Variants in SVOPL observed in about 807,000 individuals in gnomAD.
SVOPL encodes the protein putative transporter SVOPL.
SVOPL carries 60 observed loss-of-function variants against 61.0 expected under a neutral mutation model. That is an observed-to-expected ratio of 0.98 (90% CI 0.80 to 1.22). SVOPL has a LOEUF of 1.22. Ranked by LOEUF, SVOPL falls within the 50% of genes most tolerant of loss-of-function variation. The pLI is 0.00. For missense variants in SVOPL, 662 were observed against 643.9 expected, an observed-to-expected ratio of 1.03 and a Z score of -0.30; for synonymous variants, 279 against 250.0, an observed-to-expected ratio of 1.12 and a Z score of -1.09.
intron 14 of SVOPL, among the ~76,000 whole-genome samples, chr7:138,611,837 G>A (rs1337391880): frequency 4.6e-5 from 3 of 65,766 alleles, no homozygotes; most frequent in Admixed American, 2.4e-4. Context: ...GCCTGCCTTG[G>A]CCTCCCAAAG....
intron 14 of SVOPL, among the ~76,000 whole-genome samples, chr7:138,611,871 G>C (rs1481163171): frequency 1.3e-5 from 1 of 75,902 alleles, no homozygotes. Flanking sequence ...GCCTCTGCCC[G>C]GCCGCCACCC....
At chr7:138,683,308 A>T (rs7778912) in intron 1 of SVOPL, among the ~76,000 whole-genome samples, 76,692 of 151,914 alleles carry the variant, frequency 0.5, 22,100 homozygotes, top group African/African-American at 0.8. Flanking sequence ...ATTATTATCT[A>T]CTACTTTTGA....
intron 4 of SVOPL, among the ~76,000 whole-genome samples, chr7:138,670,591 T>A (rs1458767394): frequency 6.6e-6 from 1 of 152,152 alleles, no homozygotes; most frequent in African/African-American, 2.4e-5. Context: ...ATCAGAAATA[T>A]CCATTCTCTA....
intron 3 of SVOPL, among the ~76,000 whole-genome samples, chr7:138,674,196 C>T (rs985084706): frequency 9.2e-6 from 1 of 108,282 alleles, no homozygotes; most frequent in African/African-American, 4.8e-5. Context: ...TCCCAGAAAA[C>T]ACATACACAC....
intron 4 of SVOPL, among the ~76,000 whole-genome samples, chr7:138,665,305 TGGGGGGCC>T (rs1395732909): frequency 6.6e-6 from 1 of 150,796 alleles, no homozygotes; most frequent in Non-Finnish European, 1.5e-5. Flanking sequence ...AAAACAGGGT[TGGGGGGCC>T]TGGGAGACAG....
intron 4 of SVOPL, among the ~76,000 whole-genome samples, chr7:138,668,816 T>C (rs997948252): frequency 6.6e-6 from 1 of 152,210 alleles, no homozygotes; most frequent in Admixed American, 6.5e-5. Context: ...GGAATTCTTC[T>C]GGAATTCTCC....
chr7:138,695,399 C>T (rs186504222), intron 1 of SVOPL, among the ~76,000 whole-genome samples: 79 of 152,264 alleles, frequency 5.2e-4, no homozygotes, highest in Non-Finnish European at 9.7e-4. Flanking sequence ...GTAGTCCTCG[C>T]TACCTGGGAG....
chr7:138,611,850 C>T (rs1407277954), intron 14 of SVOPL, among the ~76,000 whole-genome samples: 49 of 71,652 alleles, frequency 6.8e-4, no homozygotes, highest in South Asian at 2.0e-3. Flanking sequence ...TCCCAAAGTG[C>T]CGAGATTGCA....
intron 7 of SVOPL, 34 bp from the exon 8 acceptor site, chr7:138,649,171 T>C (rs201629281): frequency 1.3e-6 from 2 of 1,553,320 alleles, no homozygotes; most frequent in East Asian, 2.3e-5. Flanking sequence ...TAAAGTTCTT[T>C]GGGGAATTAT....
chr7:138,610,692 C>T (rs542534745), intron 14 of SVOPL, among the ~76,000 whole-genome samples: 14 of 152,216 alleles, frequency 9.2e-5, no homozygotes, highest in Non-Finnish European at 1.9e-4. Flanking sequence ...CTTGACCTTG[C>T]CCTGACACTT....
intron 14 of SVOPL, among the ~76,000 whole-genome samples, chr7:138,601,760 AAT>A (rs1798535012): frequency 6.6e-6 from 1 of 152,136 alleles, no homozygotes; most frequent in Admixed American, 6.5e-5. Flanking sequence ...GAAATTATTC[AAT>A]AGACTTTTTC....
At chr7:138,599,154 A>G (rs200476930) in intron 14 of SVOPL, among the ~76,000 whole-genome samples, 1 of 56,376 alleles carries the variant, frequency 1.8e-5, no homozygotes, top group Non-Finnish European at 3.4e-5. Flanking sequence ...AAAAAAAAAA[A>G]AAACCAAAAA....
intron 4 of SVOPL, chr7:138,663,375 G>C: frequency 7.2e-7 from 1 of 1,395,872 alleles, no homozygotes; most frequent in Non-Finnish European, 9.3e-7. Context: ...GGTGGAAACG[G>C]GGTCCTCTGC....
chr7:138,599,887 C>CAAAAA (rs11379417), intron 14 of SVOPL, among the ~76,000 whole-genome samples: 2 of 108,936 alleles, frequency 1.8e-5, no homozygotes, highest in African/African-American at 6.8e-5. Context: ...GACTCCGTCT[C>CAAAAA]AAAAAAAAAA....
intron 9 of SVOPL, among the ~76,000 whole-genome samples, chr7:138,633,593 A>G (rs1375613088): frequency 6.6e-6 from 1 of 152,096 alleles, no homozygotes; most frequent in Non-Finnish European, 1.5e-5. Context: ...ATCTCTTTTA[A>G]CAGTCACCCA....
intron 7 of SVOPL, among the ~76,000 whole-genome samples, chr7:138,655,035 A>AT: frequency 6.6e-6 from 1 of 151,920 alleles, no homozygotes; most frequent in South Asian, 2.1e-4. Context: ...TACAAAAAAT[A>AT]CAACAATCAG....
intron 4 of SVOPL, among the ~76,000 whole-genome samples, chr7:138,667,073 G>A (rs1802283150): frequency 6.6e-6 from 1 of 152,134 alleles, no homozygotes; most frequent in African/African-American, 2.4e-5. Flanking sequence ...AGGAACCAGG[G>A]CTCCAAAGTT....
chr7:138,677,419 T>A (rs1352810364), intron 3 of SVOPL, among the ~76,000 whole-genome samples: 5 of 152,334 alleles, frequency 3.3e-5, no homozygotes, highest in Non-Finnish European at 1.5e-5. Flanking sequence ...AGATGGGTTT[T>A]ATTAACCCTA....
intron 14 of SVOPL, among the ~76,000 whole-genome samples, chr7:138,617,193 C>T (rs1799341422): frequency 6.6e-6 from 1 of 152,168 alleles, no homozygotes; most frequent in African/African-American, 2.4e-5. Flanking sequence ...TGGTCTCTAA[C>T]TCCTGGCCTC....
Sources: gnomAD v4.1 joint callset for allele counts (sites outside exome capture counted in the v4.1 genomes callset) on GRCh38, gnomAD v4.1.1 for gene constraint, MANE v1.5 for transcripts, NCBI Gene and HGNC (gene_info 2026-07-23, HGNC 2026-07-21) for gene names.